Variants in MYT1L observed in about 807,000 individuals in gnomAD.
MYT1L encodes the protein myelin transcription factor 1 like, also known as myelin transcription factor 1-like protein.
A neutral mutation model predicts 126.7 loss-of-function variants in MYT1L; 12 were observed. The ratio of observed to expected loss-of-function variants is 0.09; its 90% CI spans 0.06 to 0.15. MYT1L has a LOEUF of 0.15. MYT1L is among the 10% of genes least tolerant of loss of function. MYT1L has a pLI of 1.00. For synonymous variants in MYT1L, 541 were observed against 604.2 expected (o/e 0.90, Z 1.53); for missense variants, 979 against 1,585.2 (o/e 0.62, Z 6.49).
intron 4 of MYT1L, among the ~76,000 whole-genome samples, chr2:2,053,225 G>C (rs917815892): frequency 9.2e-5 from 14 of 152,322 alleles, no homozygotes; most frequent in African/African-American, 3.1e-4. Flanking sequence ...CACAGAGAGA[G>C]AAAGCAGAAT....
intron 3 of MYT1L, among the ~76,000 whole-genome samples, chr2:2,144,535 G>A (rs895062436): frequency 6.6e-6 from 1 of 152,182 alleles, no homozygotes; most frequent in Admixed American, 6.5e-5. Flanking sequence ...GTTTTTCTAA[G>A]CTGTGAGTGA....
chr2:2,308,248 A>G (rs1468784958), intron 1 of MYT1L, among the ~76,000 whole-genome samples: 1 of 151,252 alleles, frequency 6.6e-6, no homozygotes, highest in Non-Finnish European at 1.5e-5. Flanking sequence ...GGTATACTCT[A>G]TCTACACTCC....
Position 1,793,903 on chromosome 2 carries a change from C to T in MYT1L, c.3277-1439G>A, listed in dbSNP as rs1198420907. Among the ~76,000 whole-genome samples the T allele has an allele frequency of 6.6e-6, 1 of 152,174 alleles. No individual in the cohort carries two copies. Among genetic ancestry groups the T allele is most frequent in the African/African-American group, 2.4e-5 (1 of 41,458 alleles). The stretch of plus-strand genomic sequence containing the variant: ...CTCCTGGGTGGGCCTCGAAGGGCTG[C>T]GTGCCCGGTGCTTGTCTTCCAGAGC... On this transcript the variant is annotated intron_variant, in intron 23 of 24. Transcript: ENST00000647738. This position sits in a 1 kb window ranked among gnomAD's most constrained non-coding sequence, Gnocchi z 4.6.
chr2:2,213,527 C>T (rs2093593565), intron 2 of MYT1L, among the ~76,000 whole-genome samples: 1 of 152,158 alleles, frequency 6.6e-6, no homozygotes, highest in Non-Finnish European at 1.5e-5. Flanking sequence ...GAGGAGTGTG[C>T]AGTGCTGACC....
chr2:2,038,404 G>T (rs1261311262), intron 4 of MYT1L, among the ~76,000 whole-genome samples: 2 of 152,078 alleles, frequency 1.3e-5, no homozygotes, highest in East Asian at 3.9e-4. Flanking sequence ...CTAACATCAA[G>T]CCAGGTGCTT....
chr2:2,322,600 A>T (rs1004763691), intron 1 of MYT1L, among the ~76,000 whole-genome samples: 2 of 152,054 alleles, frequency 1.3e-5, no homozygotes, highest in Admixed American at 6.6e-5. Context: ...CCCTAAAAAA[A>T]AAAAAACAAA....
chr2:2,145,174 G>A (rs2084686087), intron 3 of MYT1L, among the ~76,000 whole-genome samples: 2 of 152,176 alleles, frequency 1.3e-5, no homozygotes, highest in Admixed American at 1.3e-4. Context: ...TCATGGAACT[G>A]GCATACACAT....
intron 4 of MYT1L, among the ~76,000 whole-genome samples, chr2:2,034,070 G>C (rs138698931): frequency 9.9e-5 from 15 of 152,258 alleles, no homozygotes; most frequent in African/African-American, 3.6e-4. Flanking sequence ...AAGTAGCTTC[G>C]TTACTGTACA....
intron 3 of MYT1L, among the ~76,000 whole-genome samples, chr2:2,056,242 G>C (rs906061866): frequency 1.3e-5 from 2 of 152,174 alleles, no homozygotes; most frequent in Non-Finnish European, 2.9e-5. Context: ...CAGTTTGGGT[G>C]CTCCTGGCTC....
intron 9 of MYT1L, among the ~76,000 whole-genome samples, chr2:1,937,476 G>A (rs962696675): frequency 1.5e-4 from 19 of 129,340 alleles, no homozygotes; most frequent in African/African-American, 3.3e-4. Context: ...CAGATCGTAC[G>A]TCGAGAAGGC....
chr2:2,102,336 A>G (rs2078200542), intron 3 of MYT1L, among the ~76,000 whole-genome samples: 1 of 152,244 alleles, frequency 6.6e-6, no homozygotes. Flanking sequence ...CTAATGGAAC[A>G]TAGGTAAATT....
At chr2:2,105,172 C>G (rs1201841194) in intron 3 of MYT1L, among the ~76,000 whole-genome samples, 3 of 152,158 alleles carry the variant, frequency 2.0e-5, no homozygotes, top group Non-Finnish European at 4.4e-5. Flanking sequence ...TGTAGAAGCT[C>G]TGTGTGATTC....
chr2:1,953,488 C>T (rs2058068267), intron 8 of MYT1L, among the ~76,000 whole-genome samples: 1 of 152,230 alleles, frequency 6.6e-6, no homozygotes, highest in Non-Finnish European at 1.5e-5. Flanking sequence ...CATTCCTGCT[C>T]ATCCTGGAAT....
At chr2:1,885,711 A>G (rs1573222232) in intron 18 of MYT1L, among the ~76,000 whole-genome samples, 4 of 152,308 alleles carry the variant, frequency 2.6e-5, no homozygotes, top group Admixed American at 2.6e-4. Context: ...CCGATAATTT[A>G]AATCGATTAT....
chr2:2,095,576 C>A (rs113368679), intron 3 of MYT1L, among the ~76,000 whole-genome samples: 1,819 of 151,938 alleles, frequency 0.012, 31 homozygotes, highest in African/African-American at 0.042. Context: ...GGTCACTACA[C>A]CAAGGAATTC....
chr2:1,936,605 G>A (rs958622214), intron 9 of MYT1L, among the ~76,000 whole-genome samples: 3 of 152,140 alleles, frequency 2.0e-5, no homozygotes, highest in African/African-American at 7.2e-5. Context: ...TTTCTATGTT[G>A]GTCTCAGAAC....
chr2:2,285,127 C>T (rs1160348403), intron 1 of MYT1L, among the ~76,000 whole-genome samples: 1 of 152,220 alleles, frequency 6.6e-6, no homozygotes, highest in Non-Finnish European at 1.5e-5. Flanking sequence ...CCTACAAAGT[C>T]TTCTAACCCG....
chr2:1,937,040 C>T (rs2055987591), intron 9 of MYT1L, among the ~76,000 whole-genome samples: 1 of 152,086 alleles, frequency 6.6e-6, no homozygotes, highest in Non-Finnish European at 1.5e-5. Context: ...GTGGAAACAC[C>T]CCGTTAGAAA....
intron 3 of MYT1L, among the ~76,000 whole-genome samples, chr2:2,066,217 T>G: frequency 6.6e-6 from 1 of 152,332 alleles, no homozygotes; most frequent in Admixed American, 6.5e-5. Flanking sequence ...TCTTATTAAA[T>G]AAGATCAGCA....
Sources: allele counts gnomAD v4.1 joint callset (sites outside exome capture counted in the v4.1 genomes callset), GRCh38; gene constraint gnomAD v4.1.1; non-coding constraint Gnocchi (gnomAD v3.1); transcripts MANE v1.5; gene names NCBI Gene and HGNC (gene_info 2026-07-23, HGNC 2026-07-21).